Variants in PRKAG1 observed in about 807,000 individuals in gnomAD.
PRKAG1 encodes the protein protein kinase AMP-activated non-catalytic subunit gamma 1.
PRKAG1 carries 27 observed loss-of-function variants against 48.2 expected under a neutral mutation model. That is an observed-to-expected ratio of 0.56 (90% CI 0.41 to 0.77). The LOEUF (loss-of-function observed/expected upper bound fraction) is 0.77. PRKAG1 is among the 30% of genes least tolerant of loss of function. The pLI, the probability that PRKAG1 is intolerant of heterozygous loss-of-function variation, is 0.00. For synonymous variants in PRKAG1, 130 were observed against 147.7 expected, an observed-to-expected ratio of 0.88 and a Z score of 0.87; for missense variants, 287 against 398.3, an observed-to-expected ratio of 0.72 and a Z score of 2.38.
intron 2 of PRKAG1, chr12:49,008,546 TTA>T (rs1491517354): frequency 6.6e-6 from 1 of 152,204 alleles, no homozygotes; most frequent in African/African-American, 2.4e-5. Context: ...TATCGCGTTT[TTA>T]TCTTTTTTGA....
chr12:49,007,122 T>TA (rs1941571139), intron 2 of PRKAG1, among the ~76,000 whole-genome samples: 1 of 151,366 alleles, frequency 6.6e-6, no homozygotes, highest in African/African-American at 2.4e-5. Context: ...CCGTCTCTAC[T>TA]AAAAAAATAT....
In PRKAG1 at chr12:49,003,134, G is replaced by C. The variant is rs202203312; in HGVS notation, c.888+10C>G. On this transcript the variant is annotated intron_variant, in intron 11 of 11. Coordinates refer to ENST00000548065, the MANE Select transcript of PRKAG1 (RefSeq NM_002733.5). The stretch of plus-strand genomic sequence containing the variant: ...CCCCTCAGCTCCTTTAGGGTTGCTG[G>C]CCTCCCTACCTCTGCTTCCACTAGC... 8.1e-6 allele frequency: 13 copies of C among 1,614,124 alleles called. No homozygotes were observed. In the Middle Eastern group the frequency reaches 6.6e-4, roughly 82 times the overall value.
chr12:49,012,940 T>C (rs1941817021), intron 2 of PRKAG1, 122 bp downstream of exon 2: 1 of 993,914 alleles, frequency 1.0e-6, no homozygotes. Context: ...TTTTTGTGGT[T>C]TGGCACATTA....
At chr12:49,009,077 T>C (rs775088082) in intron 2 of PRKAG1, among the ~76,000 whole-genome samples, 57 of 152,046 alleles carry the variant, frequency 3.7e-4, no homozygotes, top group Non-Finnish European at 7.1e-4. Flanking sequence ...ACTGATCCTT[T>C]AAATGTTTGT....
chr12:49,004,889 G>C, intron 7 of PRKAG1, 75 bp downstream of exon 7: 5 of 1,465,134 alleles, frequency 3.4e-6, no homozygotes, highest in Non-Finnish European at 4.8e-6. Context: ...CCCTTTCCCT[G>C]GGTGTCTAGG....
chr12:49,006,903 A>G (rs1008517225), intron 2 of PRKAG1, among the ~76,000 whole-genome samples: 1 of 151,888 alleles, frequency 6.6e-6, no homozygotes, highest in African/African-American at 2.4e-5. Context: ...CGGGAGGCAG[A>G]GGTTGCGATG....
At position 49,007,738 on chromosome 12, in the gene PRKAG1, CA is replaced by C. The variant is rs548747573; in HGVS notation, c.59-1887del. Among the ~76,000 whole-genome samples, 340 of 152,002 alleles carry C rather than the reference CA, an allele frequency of 2.2e-3. 3 individuals carry two copies. The highest frequency in any genetic ancestry group is 6.8e-3 in the Middle Eastern group (2 of 294). On this transcript the variant is annotated intron_variant, in intron 2 of 11. Transcript: ENST00000548065. Reference sequence around the variant, plus strand: ...GGGGCATTATTTATCATCTATCTACCAAAGAAGATGAGAATTTCTAGTTCTC... The same window carrying C: ...GGGGCATTATTTATCATCTATCTACCAAGAAGATGAGAATTTCTAGTTCTC...
At chr12:49,007,832 T>C (rs1021648623) in intron 2 of PRKAG1, among the ~76,000 whole-genome samples, 1 of 151,858 alleles carries the variant, frequency 6.6e-6, no homozygotes, top group Middle Eastern at 3.4e-3. Context: ...AGCTAAACCA[T>C]AATGTTGGTT....
intron 1 of PRKAG1, among the ~76,000 whole-genome samples, chr12:49,014,727 G>C (rs992995270): frequency 6.6e-6 from 1 of 152,236 alleles, no homozygotes; most frequent in African/African-American, 2.4e-5. Context: ...GGGGATGCTG[G>C]TTTTCCAAGT....
At chr12:49,006,442 A>C (rs966415555) in intron 2 of PRKAG1, among the ~76,000 whole-genome samples, 4 of 152,178 alleles carry the variant, frequency 2.6e-5, no homozygotes, top group Non-Finnish European at 4.4e-5. Context: ...ATTTCTCATT[A>C]ACAATAAGTT....
rs766266608 is a variant in PRKAG1, at chr12:49,002,480, C to CG, written c.*418dup. On this transcript the variant is annotated 3_prime_UTR_variant, in exon 12 of 12. Transcript: ENST00000548065. ...TGGACTTGGCCTCCTCCATATAGCA[C>CG]GGAACAGGTGAATAAAAATATCTTT... The CG allele has an allele frequency of 3.4e-4, 110 of 322,528 alleles. No individual in the cohort carries two copies. In the Admixed American group the frequency reaches 4.7e-3, roughly 14 times the overall value. 20.0% of individuals were successfully genotyped at this position (322,528 alleles called of 1,614,324 possible).
intron 1 of PRKAG1, among the ~76,000 whole-genome samples, chr12:49,015,947 CCTT>C (rs1941952881): frequency 7.9e-6 from 1 of 127,060 alleles, no homozygotes; most frequent in Non-Finnish European, 1.7e-5. Context: ...CTCCTTTCTA[CCTT>C]TTTTTTTTTT....
intron 2 of PRKAG1, among the ~76,000 whole-genome samples, chr12:49,011,096 G>A (rs898669408): frequency 6.6e-6 from 1 of 152,088 alleles, no homozygotes; most frequent in Non-Finnish European, 1.5e-5. Flanking sequence ...ACCCGCCTCA[G>A]CCTCCCAAAG....
At chr12:49,012,947 A>G (rs1941817345) in intron 2 of PRKAG1, 115 bp downstream of exon 2, 1 of 1,092,472 alleles carries the variant, frequency 9.2e-7, no homozygotes, top group Non-Finnish European at 1.4e-6. Context: ...GGTTTGGCAC[A>G]TTATCTGGCC....
Position 49,005,943 on chromosome 12 carries a change from A to C in PRKAG1, c.59-91T>G. The C allele has an allele frequency of 1.1e-6, 1 of 918,318 alleles. No homozygotes were observed. 56.9% of individuals were successfully genotyped at this position (918,318 alleles called of 1,614,324 possible). A position where few individuals can be genotyped will look rare whatever the true frequency, so the allele number is the denominator to read the frequency against. Reference sequence around the variant, plus strand: ...AACAAAATAGTGTTCTAGTATCTCAAATATTTAGAGCATTATTTTTTAATA... The same window carrying C: ...AACAAAATAGTGTTCTAGTATCTCACATATTTAGAGCATTATTTTTTAATA... On this transcript the variant is annotated intron_variant, in intron 2 of 11. Coordinates refer to ENST00000548065, the MANE Select transcript of PRKAG1 (RefSeq NM_002733.5). The surrounding 1 kb of genome is among the most constrained non-coding windows in gnomAD (Gnocchi z 4.1).
chr12:49,006,369 C>G (rs967017162), intron 2 of PRKAG1, among the ~76,000 whole-genome samples: 2 of 151,834 alleles, frequency 1.3e-5, no homozygotes, highest in Non-Finnish European at 2.9e-5. Context: ...GAACCCCTGT[C>G]TCAATTAAAA....
chr12:49,013,639 G>C (rs1941850916), intron 1 of PRKAG1, among the ~76,000 whole-genome samples: 2 of 152,142 alleles, frequency 1.3e-5, no homozygotes, highest in Non-Finnish European at 2.9e-5. Context: ...TTGTCTCTGA[G>C]GGTCAAGAGA....
intron 2 of PRKAG1, among the ~76,000 whole-genome samples, chr12:49,011,832 G>A (rs1360302441): frequency 1.3e-5 from 2 of 150,356 alleles, no homozygotes; most frequent in African/African-American, 5.0e-5. Context: ...AATGTGGTGG[G>A]ATTACAGGCG....
At chr12:49,008,586 C>G (rs527611770) in intron 2 of PRKAG1, 11 of 152,264 alleles carry the variant, frequency 7.2e-5, no homozygotes, top group African/African-American at 2.6e-4. Context: ...TGGAACACAT[C>G]TTCCAGTAGC....
Sources: gnomAD v4.1 joint callset for allele counts (sites outside exome capture counted in the v4.1 genomes callset) on GRCh38, gnomAD v4.1.1 for gene constraint, Gnocchi (gnomAD v3.1) non-coding constraint, MANE v1.5 for transcripts, NCBI Gene and HGNC (gene_info 2026-07-23, HGNC 2026-07-21) for gene names.